The following FAM178B variants were observed in gnomAD, a reference collection of about 807,000 sequenced individuals.
The protein encoded by FAM178B is protein FAM178B.
FAM178B carries 82 observed loss-of-function variants against 91.7 expected under a neutral mutation model. The ratio of observed to expected loss-of-function variants is 0.89; its 90% confidence interval spans 0.75 to 1.07. The LOEUF (loss-of-function observed/expected upper bound fraction) is 1.07, where lower values mean the gene tolerates loss of function less well. Ranked by LOEUF, FAM178B falls within the 50% of genes least tolerant of loss-of-function variation. The pLI, the probability that FAM178B is intolerant of heterozygous loss-of-function variation, is 0.00. For synonymous variants in FAM178B, 368 were observed against 359.4 expected (o/e 1.02, Z -0.27); for missense variants, 769 against 846.7 (o/e 0.91, Z 1.14).
At chr2:96,967,407 A>C (rs1353813415) in intron 5 of FAM178B, 113 bp downstream of exon 5, 2 of 631,366 alleles carry the variant, frequency 3.2e-6, no homozygotes, top group Non-Finnish European at 5.6e-6. Context: ...TAGAATTCAC[A>C]AATAGTACAC....
At chr2:96,950,028 G>C (rs1422290211) in intron 7 of FAM178B, 2 of 985,664 alleles carry the variant, frequency 2.0e-6, no homozygotes, top group Non-Finnish European at 2.4e-6. Context: ...CAGCCCCCTC[G>C]CAGCATGATG....
rs1185498228 is a variant in FAM178B at position 96,967,554 on chromosome 2, CA to C, written c.699del (p.Asp234MetfsTer51). 2 of 1,550,552 alleles carry C rather than the reference CA, an allele frequency of 1.3e-6. No homozygotes were observed. The highest frequency in any genetic ancestry group is 2.4e-5 in the East Asian group (1 of 40,932). ...QECLNLNSLD[L>X]DEEEVPLTPE... ...GGTGTGAGTGGCACTTCCTCTTCAT[CA>C]AGATCCAAGGAGTTGAGATTGAGAC... On this transcript the variant is annotated frameshift_variant, in exon 5 of 17. Coordinates refer to ENST00000490605, the MANE Select transcript of FAM178B (RefSeq NM_001122646.3). LOFTEE classifies it high-confidence loss of function.
intron 4 of FAM178B, among the ~76,000 whole-genome samples, chr2:96,970,437 G>A (rs1049120636): frequency 3.3e-5 from 5 of 152,204 alleles, no homozygotes; most frequent in African/African-American, 1.2e-4. Context: ...TGAGTGGGAG[G>A]AGACACCCTC....
At chr2:96,956,385 C>T (rs772050612) in intron 6 of FAM178B, among the ~76,000 whole-genome samples, 4 of 152,146 alleles carry the variant, frequency 2.6e-5, no homozygotes, top group African/African-American at 9.7e-5. Context: ...GCAGGCTCCC[C>T]GGGAAGAGGG....
chr2:96,975,342 A>T (rs1330542477), intron 1 of FAM178B, among the ~76,000 whole-genome samples: 1 of 152,172 alleles, frequency 6.6e-6, no homozygotes, highest in African/African-American at 2.4e-5. Flanking sequence ...ACTCGCCAGA[A>T]AAATATGGTT....
rs753570962 is a variant in FAM178B, at chr2:96,878,039, C to A, written c.1858G>T (p.Glu620Ter). The change falls in exon 16 of 17, where the codon GAG becomes TAG. Residue 620 changes from glutamate (E) to a stop codon, truncating the protein, a stop_gained. Transcript: ENST00000490605. LOFTEE classifies it high-confidence loss of function. The part of the protein sequence containing the change: ...CQDITPDQWG[E>*]LQLLCMQLDR... ...AACTGCATGCACAGCAGCTGCAGCT[C>A]GCCCTGTGGAGGCGGAGGGAGGCCA... The A allele has an allele frequency of 4.4e-6, 7 of 1,609,030 alleles. No individual in the cohort carries two copies. The South Asian group carries it at 4.4e-5, about 10-fold the overall frequency.
chr2:96,928,797 G>T (rs1187742686), intron 9 of FAM178B, among the ~76,000 whole-genome samples: 2 of 152,050 alleles, frequency 1.3e-5, no homozygotes, highest in African/African-American at 4.8e-5. Flanking sequence ...GTGTGTGGTT[G>T]TTCTGTAATT....
chr2:96,912,938 G>C (rs1253255639), intron 12 of FAM178B, among the ~76,000 whole-genome samples: 1 of 152,218 alleles, frequency 6.6e-6, no homozygotes, highest in Non-Finnish European at 1.5e-5. Flanking sequence ...GCAGGATTCA[G>C]CCATGAGTGA....
At chr2:96,903,355 C>T (rs927511879) in intron 12 of FAM178B, among the ~76,000 whole-genome samples, 10 of 152,230 alleles carry the variant, frequency 6.6e-5, no homozygotes, top group Non-Finnish European at 1.0e-4. Context: ...CTTTTCAATA[C>T]GCCTCTGCCT....
Position 96,972,544 on chromosome 2 carries a change from T to G in FAM178B, c.136A>C (p.Arg46=), listed in dbSNP as rs760191241. 1.2e-4 allele frequency: 187 copies of G among 1,551,508 alleles called. No individual in the cohort carries two copies. The highest frequency in any genetic ancestry group is 1.5e-4 in the Non-Finnish European group (172 of 1,146,958). Residue 46 remains arginine, a synonymous_variant, in exon 2 of 17, where the codon AGA becomes CGA. Coordinates refer to ENST00000490605, the MANE Select transcript of FAM178B (RefSeq NM_001122646.3). The part of the protein sequence containing the change: ...PQETVLALPL[R]EGVQAAATVP... ...GCAGGTGAGAGACGCCTACCTTCTC[T>G]CAGAGGAAGGGCTAGCACCGTCTCC...
At chr2:96,899,352 GCT>G (rs992279300) in intron 13 of FAM178B, among the ~76,000 whole-genome samples, 13 of 152,184 alleles carry the variant, frequency 8.5e-5, no homozygotes, top group African/African-American at 3.1e-4. Flanking sequence ...GTCATCTGGT[GCT>G]GTCTCCCCAG....
intron 16 of FAM178B, among the ~76,000 whole-genome samples, chr2:96,877,568 A>G (rs1033146772): frequency 2.0e-5 from 3 of 152,080 alleles, no homozygotes; most frequent in African/African-American, 7.2e-5. Flanking sequence ...GCGCCCGGCT[A>G]ATTTTTTTAA....
In FAM178B at chr2:96,894,143, G is replaced by A. The variant is rs1042847780; in HGVS notation, c.1651-92C>T. On this transcript the variant is annotated intron_variant, in intron 13 of 16. Transcript: ENST00000490605. ...AATCGGCCTGGACACCTCAGCTGGT[G>A]GCAGTGTGTTAGGGCACTGGCTTCT... is the stretch of plus-strand genomic sequence containing the variant. The A allele has an allele frequency of 3.4e-6, 5 of 1,474,724 alleles. No individual in the cohort carries two copies. In the South Asian group the frequency reaches 3.7e-5, roughly 11 times the overall value. 91.4% of individuals were successfully genotyped at this position (1,474,724 alleles called of 1,614,324 possible). A position where few individuals can be genotyped will look rare whatever the true frequency, so the allele number is the denominator to read the frequency against.
chr2:96,951,542 T>C, intron 6 of FAM178B, 58 bp from the exon 7 acceptor site: 1 of 1,342,568 alleles, frequency 7.4e-7, no homozygotes, highest in East Asian at 2.5e-5. Flanking sequence ...CTTGTCTCGG[T>C]GACACCGCGG....
At chr2:96,928,297 AAG>A (rs1395299568) in intron 9 of FAM178B, among the ~76,000 whole-genome samples, 1 of 152,164 alleles carries the variant, frequency 6.6e-6, no homozygotes, top group Non-Finnish European at 1.5e-5. Flanking sequence ...AAGGGTTCTC[AAG>A]AGAGTTTGGA....
At chr2:96,971,792 G>T in intron 3 of FAM178B, 109 bp downstream of exon 3, 1 of 1,095,474 alleles carries the variant, frequency 9.1e-7, no homozygotes, top group Non-Finnish European at 1.2e-6. Flanking sequence ...AGTGTCCGAG[G>T]AAGAGCAGCT....
At position 96,972,296 on chromosome 2, in the gene FAM178B, T is replaced by A. The variant is rs2082232964; in HGVS notation, c.169A>T (p.Ile57Phe). 1 of 1,474,010 alleles carries A rather than the reference T, an allele frequency of 6.8e-7. No individual in the cohort carries two copies. Among genetic ancestry groups the A allele is most frequent in the Non-Finnish European group, 9.0e-7 (1 of 1,111,102 alleles). The allele number at this position is 1,474,010 out of a possible 1,614,324, so 91.3% of individuals were successfully genotyped here. ...CCATCCTCCAGGTTGTACAGGAGGATGGGCACGGTGGCGGCAGCCTGCACC... is the reference window on the plus strand; with the variant it reads ...CCATCCTCCAGGTTGTACAGGAGGAAGGGCACGGTGGCGGCAGCCTGCACC... ...EGVQAAATVP[I>F]LLYNLEDGLS... Residue 57 changes from isoleucine (I) to phenylalanine (F), a missense_variant, in exon 3 of 17, where the codon ATC (isoleucine) becomes TTC (phenylalanine). Coordinates refer to ENST00000490605, the MANE Select transcript of FAM178B (RefSeq NM_001122646.3).
In FAM178B at chr2:96,915,632, A is replaced by G. The variant is rs547582725; in HGVS notation, c.1562+5533T>C. 5.3e-5 allele frequency among the ~76,000 whole-genome samples: 8 copies of G among 151,854 alleles called. No homozygotes were observed. In the East Asian group the frequency reaches 1.4e-3, roughly 26 times the overall value. ...GGAGTTCAAGACCAGCCTGCCCAAC[A>G]TGGAGAAACCTCGTCTCTACTAAAA... On this transcript the variant is annotated intron_variant, in intron 12 of 16. Transcript: ENST00000490605.
chr2:96,937,289 G>A (rs2081649377), intron 8 of FAM178B, among the ~76,000 whole-genome samples: 1 of 152,172 alleles, frequency 6.6e-6, no homozygotes, highest in African/African-American at 2.4e-5. Flanking sequence ...AGTCTGGGGT[G>A]TGGACTAGGC....
Sources: allele counts gnomAD v4.1 joint callset (sites outside exome capture counted in the v4.1 genomes callset), GRCh38; gene constraint gnomAD v4.1.1; transcripts MANE v1.5; gene names NCBI Gene and HGNC (gene_info 2026-07-23, HGNC 2026-07-21).